The following BRINP2 variants were observed in gnomAD, a reference collection of about 807,000 sequenced individuals.
BRINP2 encodes BMP/retinoic acid inducible neural specific 2, also known as BMP/retinoic acid-inducible neural-specific protein 2.
Under a neutral mutation model 69.2 loss-of-function variants are expected in BRINP2, and 21 were observed. That is an observed-to-expected ratio of 0.30 (90% confidence interval 0.22 to 0.44). The LOEUF (loss-of-function observed/expected upper bound fraction) is 0.44. BRINP2 is among the 20% of genes least tolerant of loss of function. The probability of loss-of-function intolerance (pLI) is 1.00; values close to 1 mark genes in which losing one functional copy is unlikely to be tolerated. For missense variants in BRINP2, 877 were observed against 986.0 expected, an observed-to-expected ratio of 0.89 and a Z score of 1.48; for synonymous variants, 380 against 394.1, an observed-to-expected ratio of 0.96 and a Z score of 0.42.
chr1:177,212,476 C>T (rs188295713), intron 1 of BRINP2, among the ~76,000 whole-genome samples: 13 of 151,512 alleles, frequency 8.6e-5, no homozygotes, highest in African/African-American at 2.4e-4. Context: ...ACCCAGGAGG[C>T]GGAGCTTGCA....
At chr1:177,178,085 C>T (rs1326035504) in intron 1 of BRINP2, among the ~76,000 whole-genome samples, 4 of 152,172 alleles carry the variant, frequency 2.6e-5, no homozygotes, top group African/African-American at 9.7e-5. Context: ...ACAGGGTCTA[C>T]CTCCTAATGA....
chr1:177,239,451 TCTTA>T (rs2102332271), intron 2 of BRINP2, among the ~76,000 whole-genome samples: 1 of 152,348 alleles, frequency 6.6e-6, no homozygotes, highest in East Asian at 1.9e-4. Flanking sequence ...AGATGCAGTA[TCTTA>T]CTTCTTGCCT....
chr1:177,216,690 T>G (rs1252249341), intron 1 of BRINP2, among the ~76,000 whole-genome samples: 1 of 152,090 alleles, frequency 6.6e-6, no homozygotes, highest in East Asian at 1.9e-4. Flanking sequence ...GATGATAAAC[T>G]TATTTAACTT....
chr1:177,248,122 C>T (rs927268253), intron 2 of BRINP2, among the ~76,000 whole-genome samples: 6 of 152,172 alleles, frequency 3.9e-5, no homozygotes, highest in Admixed American at 3.3e-4. Context: ...TCCGGCTGTT[C>T]GTGTGAAGTT....
chr1:177,190,286 C>G (rs1196538857), intron 1 of BRINP2, among the ~76,000 whole-genome samples: 1 of 152,214 alleles, frequency 6.6e-6, no homozygotes, highest in East Asian at 1.9e-4. Flanking sequence ...TCTCTCCTCA[C>G]TCACTTTTCC....
intron 2 of BRINP2, among the ~76,000 whole-genome samples, chr1:177,236,988 G>A (rs1007780106): frequency 3.3e-5 from 5 of 151,596 alleles, no homozygotes; most frequent in African/African-American, 9.7e-5. Context: ...GTAAAATGAA[G>A]TAAAAATCAC....
At chr1:177,195,920 G>C (rs1258199513) in intron 1 of BRINP2, among the ~76,000 whole-genome samples, 1 of 152,120 alleles carries the variant, frequency 6.6e-6, no homozygotes, top group African/African-American at 2.4e-5. Flanking sequence ...AAAGGGTTTG[G>C]TGTACTCCCC....
At chr1:177,207,736 A>G (rs1240424888) in intron 1 of BRINP2, among the ~76,000 whole-genome samples, 2 of 152,252 alleles carry the variant, frequency 1.3e-5, no homozygotes, top group African/African-American at 4.8e-5. Flanking sequence ...CATTGGTTAC[A>G]GTTTCTCTCT....
chr1:177,272,885 C>A (rs1256129774), intron 4 of BRINP2, among the ~76,000 whole-genome samples: 1 of 152,116 alleles, frequency 6.6e-6, no homozygotes, highest in Non-Finnish European at 1.5e-5. Context: ...TTAAATGACT[C>A]TATGGTGTTT....
intron 1 of BRINP2, among the ~76,000 whole-genome samples, chr1:177,201,313 T>C (rs1459040311): frequency 6.6e-6 from 1 of 152,234 alleles, no homozygotes; most frequent in African/African-American, 2.4e-5. Flanking sequence ...CATGTTTCTC[T>C]TTTAATTGGC....
At chr1:177,188,446 G>A (rs777851434) in intron 1 of BRINP2, among the ~76,000 whole-genome samples, 4 of 152,054 alleles carry the variant, frequency 2.6e-5, no homozygotes, top group African/African-American at 4.8e-5. Flanking sequence ...TAAGTTCAAT[G>A]GAAAAAAATA....
At position 177,281,512 on chromosome 1, in the gene BRINP2, G is replaced by A. The variant is rs760874674; in HGVS notation, c.2336G>A (p.Gly779Asp). The A allele has an allele frequency of 1.2e-6, 2 of 1,604,944 alleles. No individual in the cohort carries two copies. The highest frequency in any genetic ancestry group is 1.7e-5 in the Admixed American group (1 of 59,720). The change falls in exon 8 of 8, where the codon GGC becomes GAC. Residue 779 changes from glycine (G) to aspartate (D), a missense_variant. Physicochemically the swap from Gly to Asp is moderately conservative, Grantham distance 94. Around this residue, in one of 3 missense-constraint regions of BRINP2, gnomAD observed 225 missense variants for 218.7 expected, o/e 1.03. Transcript: ENST00000361539. ...CCAAACCCTGTGGAATATGAGACCG[G>A]CAAACTCTGTAGCTAATGGGCGGCC... ...KLPNPVEYET[G>D]KLCS
chr1:177,183,319 C>T (rs1349786538), intron 1 of BRINP2, among the ~76,000 whole-genome samples: 1 of 151,102 alleles, frequency 6.6e-6, no homozygotes, highest in East Asian at 1.9e-4. Context: ...TGTGATATGA[C>T]AAAAATCCAT....
At chr1:177,202,103 T>C (rs1474609180) in intron 1 of BRINP2, among the ~76,000 whole-genome samples, 1 of 152,324 alleles carries the variant, frequency 6.6e-6, no homozygotes, top group South Asian at 2.1e-4. Context: ...TTCTTCTTTA[T>C]TAGTCTTGCT....
intron 1 of BRINP2, among the ~76,000 whole-genome samples, chr1:177,179,458 G>A (rs1648181958): frequency 6.6e-6 from 1 of 152,116 alleles, no homozygotes; most frequent in Non-Finnish European, 1.5e-5. Flanking sequence ...TAGCCCAAAT[G>A]TTCCCAAACC....
At chr1:177,180,537 C>A (rs534841437) in intron 1 of BRINP2, among the ~76,000 whole-genome samples, 5 of 152,194 alleles carry the variant, frequency 3.3e-5, no homozygotes, top group Admixed American at 6.5e-5. Flanking sequence ...CTGAATTATA[C>A]AAGGACATAT....
At chr1:177,228,377 C>T (rs1649764548) in intron 1 of BRINP2, among the ~76,000 whole-genome samples, 1 of 152,144 alleles carries the variant, frequency 6.6e-6, no homozygotes, top group African/African-American at 2.4e-5. Context: ...TGTTTGTTTC[C>T]AGCCTCTGTG....
chr1:177,278,722 G>A lies in BRINP2; in HGVS notation c.1172G>A (p.Arg391His), dbSNP rs780376727. 10 of 1,614,054 alleles carry A rather than the reference G, an allele frequency of 6.2e-6. No individual in the cohort carries two copies. The highest frequency in any genetic ancestry group is 4.0e-5 in the African/African-American group (3 of 74,928). Residue 391 changes from arginine (R) to histidine (H), a missense_variant, in exon 7 of 8, where the codon CGC becomes CAC. Coordinates refer to ENST00000361539, the MANE Select transcript of BRINP2 (RefSeq NM_021165.4). The stretch of plus-strand genomic sequence containing the variant: ...TTCAAAAAGACCCATCGGATCCTAC[G>A]CCGGCTCTTCAACCTCTGCAAGCGC... Reference protein sequence around the residue: ...VLFKKTHRILRRLFNLCKRCH... With the variant: ...VLFKKTHRILHRLFNLCKRCH...
At chr1:177,241,791 G>T (rs1225646493) in intron 2 of BRINP2, among the ~76,000 whole-genome samples, 1 of 152,112 alleles carries the variant, frequency 6.6e-6, no homozygotes, top group Non-Finnish European at 1.5e-5. Flanking sequence ...CTGTGCCATT[G>T]TCGAAGACTA....
Sources: gnomAD v4.1 joint callset for allele counts (sites outside exome capture counted in the v4.1 genomes callset) on GRCh38, gnomAD v4.1.1 for gene constraint, gnomAD v4.1.1 regional missense constraint, MANE v1.5 for transcripts, NCBI Gene and HGNC (gene_info 2026-07-23, HGNC 2026-07-21) for gene names.